Variants in MYLK3 observed in about 807,000 individuals in gnomAD.
MYLK3 encodes the protein myosin light chain kinase 3.
A neutral mutation model predicts 76.3 loss-of-function variants in MYLK3; 55 were observed. That is an observed-to-expected ratio of 0.72 (90% CI 0.58 to 0.90). The LOEUF (loss-of-function observed/expected upper bound fraction) is 0.90. Among genes scored for constraint, MYLK3 ranks in the 40% least tolerant of loss-of-function variants. MYLK3 has a pLI of 0.00. For synonymous variants in MYLK3, 416 were observed against 425.4 expected (o/e 0.98, Z 0.27); for missense variants, 973 against 1,053.6 (o/e 0.92, Z 1.06).
intron 9 of MYLK3, among the ~76,000 whole-genome samples, chr16:46,717,545 G>A (rs537694972): frequency 6.6e-5 from 10 of 150,902 alleles, no homozygotes; most frequent in East Asian, 3.9e-4. Context: ...CAACCAGCCC[G>A]CACATACACG....
rs569039444 is a variant in MYLK3, at chr16:46,727,182, C to T, written c.1914+54G>A. 123 of 1,586,300 alleles carry T rather than the reference C, an allele frequency of 7.8e-5. No individual in the cohort carries two copies. The African/African-American group carries it at 8.8e-4, about 11-fold the overall frequency. On this transcript the variant is annotated intron_variant, in intron 8 of 12. Transcript: ENST00000394809. ...GATAGAGCTCTCAATGGTGAGAGCA[C>T]GCCAGGAGCTAGGACACCAGGGGCC... is the stretch of plus-strand genomic sequence containing the variant.
At chr16:46,710,118 T>C (rs1225471088) in intron 11 of MYLK3, among the ~76,000 whole-genome samples, 1 of 152,218 alleles carries the variant, frequency 6.6e-6, no homozygotes, top group East Asian at 1.9e-4. Flanking sequence ...GAAACAAAAT[T>C]GTAAAAGTCA....
At chr16:46,716,656 A>G (rs1353446957) in intron 9 of MYLK3, among the ~76,000 whole-genome samples, 2 of 151,754 alleles carry the variant, frequency 1.3e-5, no homozygotes, top group African/African-American at 4.8e-5. Flanking sequence ...CCAAGGCAGG[A>G]CTCTACTCTG....
intron 9 of MYLK3, among the ~76,000 whole-genome samples, chr16:46,713,717 T>C (rs1019958487): frequency 1.3e-5 from 2 of 152,260 alleles, no homozygotes; most frequent in South Asian, 2.1e-4. Context: ...TTGTATCCTT[T>C]GGCAGACGTC....
chr16:46,748,554 C>A (rs1347048351), upstream of MYLK3, among the ~76,000 whole-genome samples: 1 of 152,168 alleles, frequency 6.6e-6, no homozygotes, highest in East Asian at 1.9e-4. The surrounding 1 kb of genome is among the most constrained non-coding windows in gnomAD (Gnocchi z 4.3). Flanking sequence ...GTTCATGCAA[C>A]TAATGGTTCG....
chr16:46,732,227 C>T lies in MYLK3; in HGVS notation c.1443G>A (p.Glu481=). 6.3e-7 allele frequency: 1 copy of T among 1,589,544 alleles called. No homozygotes were observed. Among genetic ancestry groups the T allele is most frequent in the Non-Finnish European group, 8.5e-7 (1 of 1,171,256 alleles). ...ACTTACCCAGAACCACGCTGCCAGC[C>T]TCGGCGCCTGGGGGCATCCTCCTTA... ...EAVRRMPPGA[E]AGSVVLDDSP... Residue 481 remains glutamate, a synonymous_variant, in exon 4 of 13, where the codon GAG becomes GAA. Transcript: ENST00000394809.
In MYLK3 at chr16:46,710,797, A is replaced by G. The variant is rs114652511; in HGVS notation, c.2115-8T>C. ...GGGGACAAGCCACTGAGTCTATAGA[A>G]GAGAGAAAGGACCATCAGTAGGTGG... On this transcript the variant is annotated splice_polypyrimidine_tract_variant and splice_region_variant and intron_variant, in intron 10 of 12. Transcript: ENST00000394809. 8.6e-4 allele frequency: 1,382 copies of G among 1,614,060 alleles called. 12 individuals carry two copies. In the African/African-American group the frequency reaches 0.017, roughly 19 times the overall value.
rs1383379601 is a variant in MYLK3 at position 46,712,639 on chromosome 16, A to G, written c.2114+9T>C. 1.3e-6 allele frequency: 2 copies of G among 1,482,736 alleles called. No individual in the cohort carries two copies. Among genetic ancestry groups the G allele is most frequent in the Admixed American group, 4.6e-5 (2 of 43,396 alleles). 91.8% of individuals were successfully genotyped at this position (1,482,736 alleles called of 1,614,324 possible). The stretch of plus-strand genomic sequence containing the variant: ...TCCCCACTTCAGAGCCAGGGTGCTA[A>G]GCACTCACAGCATGTAGGTGATGAC... On this transcript the variant is annotated intron_variant, in intron 10 of 12. Coordinates refer to ENST00000394809, the MANE Select transcript of MYLK3 (RefSeq NM_182493.3).
At chr16:46,750,793 C>G (rs1173535110), upstream of MYLK3, among the ~76,000 whole-genome samples, 1 of 151,458 alleles carries the variant, frequency 6.6e-6, no homozygotes, top group Non-Finnish European at 1.5e-5. Flanking sequence ...ATTTCGAGAC[C>G]AGCCTGGCTA....
At position 46,732,295 on chromosome 16, in the gene MYLK3, C is replaced by G; in HGVS notation, c.1375G>C (p.Glu459Gln). ...KSPGAGNPEP[E>Q]QDCAARAPVR... Reference sequence around the variant, plus strand: ...GGAGCCCTGGCTGCACAGTCCTGCTCAGGCTCAGGGTTTCCCGCCCCTGGG... The same window carrying G: ...GGAGCCCTGGCTGCACAGTCCTGCTGAGGCTCAGGGTTTCCCGCCCCTGGG... Residue 459 changes from glutamate (E) to glutamine (Q), a missense_variant, in exon 4 of 13, where the codon GAG (glutamate) becomes CAG (glutamine). Transcript: ENST00000394809. 3.1e-6 allele frequency: 5 copies of G among 1,610,008 alleles called. No individual in the cohort carries two copies. The highest frequency in any genetic ancestry group is 4.2e-6 in the Non-Finnish European group (5 of 1,180,012).
Position 46,710,699 on chromosome 16 carries a change from G to C in MYLK3, c.2205C>G (p.Thr735=). The change falls in exon 11 of 13, where the codon ACC becomes ACG. Residue 735 remains threonine, a synonymous_variant. Transcript: ENST00000394809. ...TGGCCTCCTCCGAGAGCCCTTCAAA[G>C]GTGTCAGCATCAAAATCCCAGCTAC... ...VNCSWDFDAD[T]FEGLSEEAKD... is the part of the protein sequence containing the mutation. The C allele has an allele frequency of 6.2e-7, 1 of 1,614,080 alleles. No homozygotes were observed. Among genetic ancestry groups the C allele is most frequent in the South Asian group, 1.1e-5 (1 of 91,072 alleles).
chr16:46,742,636 C>A (rs1966952587), intron 1 of MYLK3, among the ~76,000 whole-genome samples: 1 of 152,166 alleles, frequency 6.6e-6, no homozygotes, highest in Non-Finnish European at 1.5e-5. Context: ...ACATCATGCC[C>A]CTCCTCTCAG....
intron 9 of MYLK3, among the ~76,000 whole-genome samples, chr16:46,718,054 AGCTATT>A (rs1296033326): frequency 2.0e-5 from 3 of 152,206 alleles, no homozygotes; most frequent in African/African-American, 4.8e-5. Context: ...AAACAACCTT[AGCTATT>A]GCAATGGTTT....
intron 1 of MYLK3, 67 bp from the exon 2 acceptor site, chr16:46,740,214 G>C: frequency 8.0e-7 from 1 of 1,243,622 alleles, no homozygotes; most frequent in South Asian, 1.2e-5. Context: ...ACAGACATTT[G>C]TTTAGCACCT....
At chr16:46,721,255 C>T (rs1292159688) in intron 8 of MYLK3, 62 bp from the exon 9 acceptor site, 2 of 1,500,878 alleles carry the variant, frequency 1.3e-6, no homozygotes, top group Admixed American at 1.7e-5. Flanking sequence ...AGCTGCCACA[C>T]TTGTCTATAG....
chr16:46,753,368 T>C (rs1441154369), intron 1 of MYLK3, among the ~76,000 whole-genome samples: 1 of 152,166 alleles, frequency 6.6e-6, no homozygotes, highest in African/African-American at 2.4e-5. Context: ...CACACCACAA[T>C]AGTTCCAGGG....
chr16:46,725,167 A>G (rs1966836604), intron 8 of MYLK3, among the ~76,000 whole-genome samples: 2 of 152,210 alleles, frequency 1.3e-5, no homozygotes, highest in Admixed American at 1.3e-4. Context: ...ACCTTGATGA[A>G]TTTATTAATC....
At chr16:46,744,719 G>A (rs1007039479) in intron 1 of MYLK3, among the ~76,000 whole-genome samples, 1 of 152,040 alleles carries the variant, frequency 6.6e-6, no homozygotes, top group Non-Finnish European at 1.5e-5. Context: ...TTATCATTTG[G>A]CCCAGTGCAG....
chr16:46,728,948 C>T lies in MYLK3; in HGVS notation c.1772+76G>A, dbSNP rs568168512. 1.7e-4 allele frequency: 182 copies of T among 1,067,132 alleles called. 1 individual carries two copies. In the Middle Eastern group the frequency reaches 3.0e-3, roughly 17 times the overall value. The allele number at this position is 1,067,132 out of a possible 1,614,324, so 66.1% of individuals were successfully genotyped here. A position where few individuals can be genotyped will look rare whatever the true frequency, so the allele number is the denominator to read the frequency against. ...AGGGGAAAGGAGAGAGAGGGCTTTG[C>T]CTCGAATGAAGGCTCTAAGCCCCAG... On this transcript the variant is annotated intron_variant, in intron 7 of 12. Transcript: ENST00000394809.
Sources: allele counts gnomAD v4.1 joint callset (sites outside exome capture counted in the v4.1 genomes callset), GRCh38; gene constraint gnomAD v4.1.1; non-coding constraint Gnocchi (gnomAD v3.1); transcripts MANE v1.5; gene names NCBI Gene and HGNC (gene_info 2026-07-23, HGNC 2026-07-21).